CSGALNACT2: variants seen among roughly 807,000 people sequenced by gnomAD.
CSGALNACT2 encodes chondroitin sulfate N-acetylgalactosaminyltransferase 2.
In CSGALNACT2, 35 loss-of-function variants were observed where a neutral mutation model predicts 55.3. The observed-to-expected ratio is 0.63, with a 90% CI of 0.48 to 0.84. The LOEUF (loss-of-function observed/expected upper bound fraction) is 0.84. CSGALNACT2 is among the 40% of genes least tolerant of loss of function. CSGALNACT2 has a pLI of 0.00. For missense variants in CSGALNACT2, 544 were observed against 657.5 expected (o/e 0.83, Z 1.89); for synonymous variants, 196 against 224.9 (o/e 0.87, Z 1.15).
In CSGALNACT2 at chr10:43,163,753, C is replaced by A. The variant is rs1005746825; in HGVS notation, c.981-113C>A. On this transcript the variant is annotated intron_variant, in intron 4 of 7. Coordinates refer to ENST00000374466, the MANE Select transcript of CSGALNACT2 (RefSeq NM_018590.5). ...TTTCTTTCCCTTTGTGAATGTAGAA[C>A]CAATATAATCAAATATTTGAAGTGT... The A allele has an allele frequency of 2.9e-6, 4 of 1,385,922 alleles. No individual in the cohort carries two copies. In the African/African-American group the frequency reaches 4.4e-5, roughly 15 times the overall value. 85.9% of individuals were successfully genotyped at this position (1,385,922 alleles called of 1,614,324 possible). A position where few individuals can be genotyped will look rare whatever the true frequency, so the allele number is the denominator to read the frequency against.
chr10:43,139,943 C>T (rs1279963299), intron 1 of CSGALNACT2, among the ~76,000 whole-genome samples: 1 of 152,206 alleles, frequency 6.6e-6, no homozygotes, highest in Admixed American at 6.5e-5. Context: ...GGCCTTTTAT[C>T]CCAGCGCTTG....
rs140707683 is a variant in CSGALNACT2 at position 43,150,987 on chromosome 10, C to T, written c.-253-3910C>T. ...AAAATATCTAATCTGCCATTAATCC[C>T]ATTCAGTGTATTTTTCATCTCAGAC... On this transcript the variant is annotated intron_variant, in intron 1 of 7. Coordinates refer to ENST00000374466, the MANE Select transcript of CSGALNACT2 (RefSeq NM_018590.5). Among the ~76,000 whole-genome samples the T allele has an allele frequency of 3.0e-4, 46 of 152,284 alleles. 1 individual carries two copies. Among genetic ancestry groups the T allele is most frequent in the African/African-American group, 1.1e-3 (46 of 41,572 alleles).
intron 7 of CSGALNACT2, among the ~76,000 whole-genome samples, chr10:43,176,235 TATA>T (rs1839479552): frequency 2.0e-5 from 3 of 152,188 alleles, no homozygotes; most frequent in Admixed American, 2.0e-4. Context: ...AAAAATAAAG[TATA>T]ATATTTACTT....
At chr10:43,146,623 G>A (rs1406243293) in intron 1 of CSGALNACT2, among the ~76,000 whole-genome samples, 3 of 152,058 alleles carry the variant, frequency 2.0e-5, no homozygotes, top group Admixed American at 1.3e-4. Flanking sequence ...CCAGATACTC[G>A]GGAAGCTGAG....
intron 1 of CSGALNACT2, among the ~76,000 whole-genome samples, chr10:43,149,091 T>C (rs116664993): frequency 0.013 from 1,964 of 152,244 alleles, 46 homozygotes; most frequent in African/African-American, 0.045. Flanking sequence ...TTGGTTTGGT[T>C]TGGTTTTTTG....
chr10:43,167,132 C>G, intron 6 of CSGALNACT2, 34 bp downstream of exon 6: 1 of 1,318,754 alleles, frequency 7.6e-7, no homozygotes, highest in Non-Finnish European at 1.1e-6. Flanking sequence ...ATGAAAGACT[C>G]TAAAGATCTT....
intron 7 of CSGALNACT2, 60 bp downstream of exon 7, chr10:43,176,092 G>A (rs375579259): frequency 2.0e-5 from 27 of 1,353,146 alleles, no homozygotes; most frequent in Non-Finnish European, 2.7e-5. Context: ...ATGGTATTTT[G>A]CTAAAAGGTC....
chr10:43,139,546 G>C (rs1027292604), intron 1 of CSGALNACT2, among the ~76,000 whole-genome samples: 1 of 152,166 alleles, frequency 6.6e-6, no homozygotes, highest in Admixed American at 6.5e-5. Context: ...AATCTTAATT[G>C]TACAGCTCAA....
Position 43,155,559 on chromosome 10 carries a change from C to A in CSGALNACT2, c.410C>A (p.Ala137Asp). Residue 137 changes from alanine (A) to aspartate (D), a missense_variant, in exon 2 of 8, where the codon GCC becomes GAC. Transcript: ENST00000374466. ...QIDKAEVSIG[A>D]KLPSEYGVIP... ...GACAAAGCTGAAGTTAGCATAGGGG[C>A]CAAACTACCCAGTGAGTATGGGGTC... is the stretch of plus-strand genomic sequence containing the variant. 6.2e-7 allele frequency: 1 copy of A among 1,614,142 alleles called. No individual in the cohort carries two copies.
chr10:43,143,206 A>G (rs1214836572), intron 1 of CSGALNACT2, among the ~76,000 whole-genome samples: 6 of 152,218 alleles, frequency 3.9e-5, no homozygotes, highest in Non-Finnish European at 8.8e-5. Flanking sequence ...GCAACATGGT[A>G]ACACCATTTT....
At position 43,164,059 on chromosome 10, in the gene CSGALNACT2, G is replaced by T; in HGVS notation, c.1159+15G>T. ...TGCTGAGCCAGGTGCGTAAAATGTT[G>T]GTAGATGAGCTGACTATAGAATTTA... On this transcript the variant is annotated intron_variant, in intron 5 of 7. Transcript: ENST00000374466. 1 of 1,604,828 alleles carries T rather than the reference G, an allele frequency of 6.2e-7. No homozygotes were observed. Among genetic ancestry groups the T allele is most frequent in the Non-Finnish European group, 8.5e-7 (1 of 1,173,800 alleles).
intron 7 of CSGALNACT2, among the ~76,000 whole-genome samples, chr10:43,176,970 A>G (rs1262337071): frequency 6.6e-6 from 1 of 152,162 alleles, no homozygotes; most frequent in Non-Finnish European, 1.5e-5. Context: ...AGGGCTAGCT[A>G]CCTTTCTACA....
chr10:43,179,447 A>T, intron 7 of CSGALNACT2, among the ~76,000 whole-genome samples: 1 of 149,704 alleles, frequency 6.7e-6, no homozygotes. Flanking sequence ...TTAACAAATT[A>T]TTTCTTCCTC....
intron 4 of CSGALNACT2, chr10:43,162,496 G>GC: frequency 1.0e-6 from 1 of 985,388 alleles, no homozygotes; most frequent in Non-Finnish European, 1.2e-6. Flanking sequence ...ATGTGGGGTG[G>GC]CAATGGGCAG....
intron 7 of CSGALNACT2, among the ~76,000 whole-genome samples, chr10:43,182,415 G>A (rs1466736355): frequency 1.3e-5 from 2 of 152,080 alleles, no homozygotes; most frequent in Non-Finnish European, 2.9e-5. Flanking sequence ...ATTTCTTAGT[G>A]TTTAGACCTA....
intron 6 of CSGALNACT2, among the ~76,000 whole-genome samples, chr10:43,172,387 A>T (rs950435143): frequency 4.6e-5 from 7 of 152,216 alleles, no homozygotes; most frequent in Non-Finnish European, 8.8e-5. Context: ...TAATATTTTT[A>T]TGAACCCCTT....
At chr10:43,140,297 C>T (rs551433459) in intron 1 of CSGALNACT2, among the ~76,000 whole-genome samples, 4 of 152,074 alleles carry the variant, frequency 2.6e-5, no homozygotes, top group Non-Finnish European at 4.4e-5. Context: ...CAGAAAATTA[C>T]CAACATGGAG....
chr10:43,169,399 AAT>A (rs992607619), intron 6 of CSGALNACT2, among the ~76,000 whole-genome samples: 31 of 152,254 alleles, frequency 2.0e-4, no homozygotes, highest in Admixed American at 1.6e-3. Flanking sequence ...GTAATTTTAA[AAT>A]ATATCTTTGA....
In CSGALNACT2 at chr10:43,183,493, C is replaced by T. The variant is rs61744904; in HGVS notation, c.1580C>T (p.Thr527Met). ...CTGGTCTTCAGGGAGGAAATAGAGA[C>T]GCATCTTCATAAACAGGCATACAGG... ...GMLVFREEIETHLHKQAYRTN... is the reference protein window; with the variant it reads ...GMLVFREEIEMHLHKQAYRTN... The change falls in exon 8 of 8, where the codon ACG becomes ATG. Residue 527 changes from threonine (T) to methionine (M), a missense_variant. Thr to Met is a moderately conservative substitution (Grantham distance 81). Coordinates refer to ENST00000374466, the MANE Select transcript of CSGALNACT2 (RefSeq NM_018590.5). The T allele has an allele frequency of 1.7e-3, 2,810 of 1,614,032 alleles. 48 individuals are homozygous for T. The African/African-American group carries it at 0.034, about 19-fold the overall frequency.
Sources: allele counts gnomAD v4.1 joint callset (sites outside exome capture counted in the v4.1 genomes callset), GRCh38; gene constraint gnomAD v4.1.1; transcripts MANE v1.5; gene names NCBI Gene and HGNC (gene_info 2026-07-23, HGNC 2026-07-21).